The following RAB3IL1 variants were observed in gnomAD, a reference collection of about 807,000 sequenced individuals.
The protein encoded by RAB3IL1 is RAB3A interacting protein like 1, also known as guanine nucleotide exchange factor for Rab-3A.
In RAB3IL1, 37 loss-of-function variants were observed where a neutral mutation model predicts 49.2. The observed-to-expected ratio is 0.75, with a 90% CI of 0.58 to 0.99. RAB3IL1 has a LOEUF of 0.99. Among genes scored for constraint, RAB3IL1 ranks in the 50% least tolerant of loss-of-function variants. The probability of loss-of-function intolerance (pLI) is 0.00; values close to 1 mark genes in which losing one functional copy is unlikely to be tolerated. For missense variants in RAB3IL1, 484 were observed against 513.0 expected (o/e 0.94, Z 0.55); for synonymous variants, 193 against 213.9 (o/e 0.90, Z 0.85).
At chr11:61,934,448 A>ATGTGTATGTATG in the RAB3IL1 span, among the ~76,000 whole-genome samples, 50 of 20,376 alleles carry the variant, frequency 2.5e-3, 2 homozygotes, top group Non-Finnish European at 4.5e-3. Flanking sequence ...GTGTGTGTGT[A>ATGTGTATGTATG]TGTATATATA....
At chr11:61,908,429 C>G in intron 1 of RAB3IL1, 123 bp from the exon 2 acceptor site, 1 of 1,117,138 alleles carries the variant, frequency 9.0e-7, no homozygotes, top group Non-Finnish European at 1.2e-6. Context: ...CATCTGAAAA[C>G]TGGGACCCTA....
At chr11:61,907,784 C>T (rs1033519046) in intron 2 of RAB3IL1, 124 bp from the exon 3 acceptor site, 1 of 961,082 alleles carries the variant, frequency 1.0e-6, no homozygotes. Context: ...AGTTTATTTC[C>T]TCTGGTGCCT....
At chr11:61,907,299 G>A (rs1368236578) in intron 4 of RAB3IL1, 94 bp downstream of exon 4, 4 of 1,333,970 alleles carry the variant, frequency 3.0e-6, no homozygotes, top group Admixed American at 3.8e-5. Flanking sequence ...CGGGCCAGGT[G>A]AGCGTCCACT....
chr11:61,933,347 A>G, the RAB3IL1 span, among the ~76,000 whole-genome samples: 58,781 of 151,820 alleles, frequency 0.39, 11,732 homozygotes, highest in South Asian at 0.65. Flanking sequence ...AAGGCACAAG[A>G]TGGAGGAGTG....
chr11:61,934,438 G>GTGTGTGTA, the RAB3IL1 span, among the ~76,000 whole-genome samples: 5 of 18,476 alleles, frequency 2.7e-4, no homozygotes, highest in Admixed American at 2.5e-3. Context: ...GTGTGTGTGT[G>GTGTGTGTA]TGTGTGTGTA....
At chr11:61,940,918 T>C in the RAB3IL1 span, among the ~76,000 whole-genome samples, 1 of 150,660 alleles carries the variant, frequency 6.6e-6, no homozygotes, top group African/African-American at 2.4e-5. Context: ...AGACTCCATC[T>C]CAAAAAAAAA....
At position 61,897,695 on chromosome 11, in the gene RAB3IL1, G is replaced by A. The variant is rs1212431409; in HGVS notation, c.*583C>T. The A allele has an allele frequency of 6.6e-6, 1 of 151,838 alleles. No individual in the cohort carries two copies. The highest frequency in any genetic ancestry group is 2.4e-5 in the African/African-American group (1 of 41,342). The allele number at this position is 151,838 out of a possible 1,614,324, so 9.4% of individuals were successfully genotyped here. ...GGGGAAAGGAAGGGAGGAAGCGGGG[G>A]AGGGGTCTTGACTCATCTTAACAAG... On this transcript the variant is annotated 3_prime_UTR_variant, in exon 10 of 10. Coordinates refer to ENST00000394836, the MANE Select transcript of RAB3IL1 (RefSeq NM_013401.4).
chr11:61,904,398 T>C (rs910771022), intron 7 of RAB3IL1, 148 bp downstream of exon 7: 1 of 831,994 alleles, frequency 1.2e-6, no homozygotes, highest in Non-Finnish European at 2.0e-6. Context: ...ACAGGAAACC[T>C]GCCAAACTGC....
chr11:61,942,205 C>G, the RAB3IL1 span, among the ~76,000 whole-genome samples: 1 of 152,178 alleles, frequency 6.6e-6, no homozygotes, highest in South Asian at 2.1e-4. Flanking sequence ...GAGCAAAACT[C>G]CGTCTCAAAA....
Position 61,904,635 on chromosome 11 carries a change from G to GGC in RAB3IL1, c.808_809dup (p.Val271ProfsTer20). ...CAATGGTGAGCGTGTTGTCCTCCACGGCGGCCCGTACCAGCACCGAGAGCT... is the reference window on the plus strand; with the variant it reads ...CAATGGTGAGCGTGTTGTCCTCCACGGCGCGGCCCGTACCAGCACCGAGAGCT... On this transcript the variant is annotated frameshift_variant, in exon 7 of 10. Transcript: ENST00000394836. LOFTEE classifies it high-confidence loss of function. 1.2e-6 allele frequency: 2 copies of GGC among 1,612,214 alleles called. No homozygotes were observed. The highest frequency in any genetic ancestry group is 1.7e-5 in the Admixed American group (1 of 59,836).
At chr11:61,936,533 G>C in the RAB3IL1 span, among the ~76,000 whole-genome samples, 2 of 152,084 alleles carry the variant, frequency 1.3e-5, no homozygotes, top group African/African-American at 2.4e-5. Context: ...GGGGAGACAG[G>C]GTTTCGCCAT....
intron 1 of RAB3IL1, 60 bp downstream of exon 1, chr11:61,917,297 G>A: frequency 3.0e-6 from 4 of 1,353,008 alleles, no homozygotes; most frequent in South Asian, 3.4e-5. Context: ...AAATCCTCCC[G>A]TCCCGGGAGG....
chr11:61,921,087 C>T (rs763435764), upstream of RAB3IL1, among the ~76,000 whole-genome samples: 8 of 152,148 alleles, frequency 5.3e-5, no homozygotes, highest in Non-Finnish European at 1.0e-4. Flanking sequence ...CAGCCTCAAA[C>T]TGCCCAGCTC....
the RAB3IL1 span, among the ~76,000 whole-genome samples, chr11:61,940,731 G>A: frequency 3.3e-5 from 5 of 152,218 alleles, no homozygotes; most frequent in Admixed American, 6.5e-5. Flanking sequence ...ACCAGCCTGG[G>A]CAACATGGTG....
At chr11:61,934,446 G>GTGTGTGTGTATA in the RAB3IL1 span, among the ~76,000 whole-genome samples, 42 of 24,346 alleles carry the variant, frequency 1.7e-3, no homozygotes, top group Non-Finnish European at 4.6e-3. Context: ...GTGTGTGTGT[G>GTGTGTGTGTATA]TATGTATATA....
chr11:61,936,827 C>T, the RAB3IL1 span, among the ~76,000 whole-genome samples: 3 of 152,050 alleles, frequency 2.0e-5, no homozygotes, highest in South Asian at 6.2e-4. Context: ...CTATATATAA[C>T]TAAGATTTCT....
At chr11:61,944,822 C>T in the RAB3IL1 span, among the ~76,000 whole-genome samples, 1 of 152,122 alleles carries the variant, frequency 6.6e-6, no homozygotes, top group Non-Finnish European at 1.5e-5. Flanking sequence ...TCAGCCTCCC[C>T]GAGTAGCTGG....
At position 61,906,545 on chromosome 11, in the gene RAB3IL1, T is replaced by C. The variant is rs1224299239; in HGVS notation, c.578A>G (p.Lys193Arg). 5.1e-6 allele frequency: 8 copies of C among 1,576,614 alleles called. No homozygotes were observed. Among genetic ancestry groups the C allele is most frequent in the Non-Finnish European group, 6.9e-6 (8 of 1,161,928 alleles). ...AGPRKGHSRH[K>R]STSSTLCPAV... ...GGGGCAGAGGGTGCTGCTGGTGCTCTTGTGGCGAGAGTGGCCCTTTCGGGG... is the reference window on the plus strand; with the variant it reads ...GGGGCAGAGGGTGCTGCTGGTGCTCCTGTGGCGAGAGTGGCCCTTTCGGGG... Residue 193 changes from lysine to arginine, a missense_variant, in exon 5 of 10, where the codon AAG (lysine) becomes AGG (arginine). Coordinates refer to ENST00000394836, the MANE Select transcript of RAB3IL1 (RefSeq NM_013401.4). The surrounding 1 kb of genome is among the most constrained non-coding windows in gnomAD (Gnocchi z 4.6).
At chr11:61,942,128 T>C in the RAB3IL1 span, among the ~76,000 whole-genome samples, 2 of 151,378 alleles carry the variant, frequency 1.3e-5, no homozygotes, top group Non-Finnish European at 2.9e-5. Flanking sequence ...GGAGAATCGC[T>C]TGAAACCAGA....
Sources: allele counts gnomAD v4.1 joint callset (sites outside exome capture counted in the v4.1 genomes callset), GRCh38; gene constraint gnomAD v4.1.1; non-coding constraint Gnocchi (gnomAD v3.1); transcripts MANE v1.5; gene names NCBI Gene and HGNC (gene_info 2026-07-23, HGNC 2026-07-21).